ADGRL3: variants seen among roughly 807,000 people sequenced by gnomAD.
ADGRL3 encodes the protein adhesion G protein-coupled receptor L3.
In ADGRL3, 62 loss-of-function variants were observed where a neutral mutation model predicts 153.5. The ratio of observed to expected loss-of-function variants is 0.40; its 90% CI spans 0.33 to 0.50. ADGRL3 has a LOEUF of 0.50. Ranked by LOEUF, ADGRL3 falls within the 20% of genes least tolerant of loss-of-function variation. The pLI is 0.47. For synonymous variants in ADGRL3, 710 were observed against 672.5 expected, an observed-to-expected ratio of 1.06 and a Z score of -0.86; for missense variants, 1,641 against 1,859.4, an observed-to-expected ratio of 0.88 and a Z score of 2.16.
chr4:61,333,157 C>T (rs1347720849), intron 1 of ADGRL3, among the ~76,000 whole-genome samples: 1 of 149,656 alleles, frequency 6.7e-6, no homozygotes, highest in African/African-American at 2.4e-5. Flanking sequence ...TCTTTGGGCT[C>T]TTTGTAAAGT....
chr4:61,882,553 C>T, intron 9 of ADGRL3, among the ~76,000 whole-genome samples: 1 of 152,094 alleles, frequency 6.6e-6, no homozygotes. Flanking sequence ...CTTCCCACAC[C>T]ACCCAGAGTA....
At chr4:62,042,120 T>C (rs1728670515) in intron 24 of ADGRL3, among the ~76,000 whole-genome samples, 3 of 152,058 alleles carry the variant, frequency 2.0e-5, no homozygotes, top group African/African-American at 7.2e-5. Flanking sequence ...CATGCACATA[T>C]ATAATATACA....
At chr4:61,428,578 G>A (rs934748371) in intron 2 of ADGRL3, among the ~76,000 whole-genome samples, 1 of 152,190 alleles carries the variant, frequency 6.6e-6, no homozygotes, top group Admixed American at 6.5e-5. Flanking sequence ...TACTAGGTAA[G>A]AGTAGATTCA....
chr4:61,647,821 A>G (rs1016848727), intron 5 of ADGRL3, among the ~76,000 whole-genome samples: 3 of 152,060 alleles, frequency 2.0e-5, no homozygotes, highest in African/African-American at 7.2e-5. Flanking sequence ...ATAGCCCTTT[A>G]TTTTATTTCC....
At chr4:61,586,078 T>C (rs1396850329) in intron 4 of ADGRL3, among the ~76,000 whole-genome samples, 1 of 152,018 alleles carries the variant, frequency 6.6e-6, no homozygotes, top group African/African-American at 2.4e-5. Flanking sequence ...CTTTATCAAA[T>C]TGACAAAGCT....
intron 8 of ADGRL3, among the ~76,000 whole-genome samples, chr4:61,780,699 A>C (rs2097203986): frequency 6.6e-6 from 1 of 152,156 alleles, no homozygotes; most frequent in Admixed American, 6.5e-5. Flanking sequence ...AGCTATTTTG[A>C]AATACTGTGA....
intron 8 of ADGRL3, among the ~76,000 whole-genome samples, chr4:61,749,296 G>A (rs549770117): frequency 1.3e-5 from 2 of 151,660 alleles, no homozygotes; most frequent in African/African-American, 2.4e-5. Flanking sequence ...GTGGAAGTCA[G>A]TGTGGCGATT....
At chr4:61,829,057 CAT>C (rs1364265134) in intron 9 of ADGRL3, among the ~76,000 whole-genome samples, 1 of 152,152 alleles carries the variant, frequency 6.6e-6, no homozygotes, top group Non-Finnish European at 1.5e-5. Context: ...CATTAATAAA[CAT>C]GTGTGGTACT....
chr4:62,048,100 G>A (rs1732112310), intron 25 of ADGRL3, among the ~76,000 whole-genome samples: 1 of 152,054 alleles, frequency 6.6e-6, no homozygotes, highest in Non-Finnish European at 1.5e-5. Flanking sequence ...CAGGGCTGTT[G>A]GAAATCTAAT....
intron 1 of ADGRL3, among the ~76,000 whole-genome samples, chr4:61,362,962 C>A (rs1254416322): frequency 6.6e-6 from 1 of 152,120 alleles, no homozygotes; most frequent in Non-Finnish European, 1.5e-5. Flanking sequence ...CAATGAAAAT[C>A]TCATCGTCCT....
At chr4:61,232,028 C>A (rs1405023587) in intron 1 of ADGRL3, among the ~76,000 whole-genome samples, 3 of 151,734 alleles carry the variant, frequency 2.0e-5, no homozygotes, top group Admixed American at 6.6e-5. Flanking sequence ...TGACCTTGTG[C>A]AAGTACTTAA....
rs182343535 is a variant in ADGRL3, at chr4:61,668,997, C to T, written c.474-7829C>T. Among the ~76,000 whole-genome samples, 117 of 152,194 alleles carry T rather than the reference C, an allele frequency of 7.7e-4. 1 individual carries two copies. The highest frequency in any genetic ancestry group is 2.8e-3 in the African/African-American group (116 of 41,530). ...TCATACCACTGCACTCCAGCCTGGA[C>T]AATGCGGTGAGACCCTGTCTCAAAA... On this transcript the variant is annotated intron_variant, in intron 5 of 26. Transcript: ENST00000683033.
chr4:61,855,605 G>T (rs1013848686), intron 9 of ADGRL3, among the ~76,000 whole-genome samples: 8 of 151,956 alleles, frequency 5.3e-5, no homozygotes, highest in African/African-American at 1.9e-4. Context: ...AGAGATTTAT[G>T]TTCTTTCTGA....
intron 1 of ADGRL3, among the ~76,000 whole-genome samples, chr4:61,370,763 G>A (rs1352710215): frequency 6.6e-6 from 1 of 152,080 alleles, no homozygotes; most frequent in Non-Finnish European, 1.5e-5. Context: ...GTGCAGAGCT[G>A]AGTTCAATTC....
At chr4:61,787,255 C>T (rs1339601107) in intron 8 of ADGRL3, among the ~76,000 whole-genome samples, 1 of 151,844 alleles carries the variant, frequency 6.6e-6, no homozygotes, top group Non-Finnish European at 1.5e-5. Flanking sequence ...ATATGCTATC[C>T]AGACATTATT....
At chr4:61,653,019 T>G (rs2094315789) in intron 5 of ADGRL3, among the ~76,000 whole-genome samples, 1 of 151,928 alleles carries the variant, frequency 6.6e-6, no homozygotes, top group Non-Finnish European at 1.5e-5. Flanking sequence ...TGTAACTGTT[T>G]TGGATGAAAT....
At chr4:61,617,538 C>T (rs1034979021) in intron 5 of ADGRL3, among the ~76,000 whole-genome samples, 12 of 152,140 alleles carry the variant, frequency 7.9e-5, no homozygotes, top group Admixed American at 7.2e-4. Context: ...TAGATTTTTC[C>T]CAAAATTACT....
At chr4:61,810,129 T>G (rs2097594904) in intron 8 of ADGRL3, among the ~76,000 whole-genome samples, 1 of 152,266 alleles carries the variant, frequency 6.6e-6, no homozygotes, top group African/African-American at 2.4e-5. Context: ...GGGAAAAATG[T>G]ACATATTTTC....
intron 3 of ADGRL3, 139 bp downstream of exon 3, chr4:61,497,487 GA>G (rs1378050617): frequency 2.0e-6 from 1 of 488,036 alleles, no homozygotes; most frequent in Non-Finnish European, 3.5e-6. Flanking sequence ...TAAAATAAAA[GA>G]ACATAATGTG....
Sources: allele counts gnomAD v4.1 joint callset (sites outside exome capture counted in the v4.1 genomes callset), GRCh38; gene constraint gnomAD v4.1.1; transcripts MANE v1.5; gene names NCBI Gene and HGNC (gene_info 2026-07-23, HGNC 2026-07-21).